SRRM3: variants seen among roughly 807,000 people sequenced by gnomAD.
SRRM3 encodes the protein serine/arginine repetitive matrix protein 3.
SRRM3 carries 27 observed loss-of-function variants against 66.2 expected under a neutral mutation model. The ratio of observed to expected loss-of-function variants is 0.41; its 90% CI spans 0.30 to 0.56. SRRM3 has a LOEUF of 0.56. Among genes scored for constraint, SRRM3 ranks in the 20% least tolerant of loss-of-function variants. The probability of loss-of-function intolerance (pLI) is 0.32; values close to 1 mark genes in which losing one functional copy is unlikely to be tolerated. For synonymous variants in SRRM3, 391 were observed against 414.9 expected (o/e 0.94, Z 0.70); for missense variants, 918 against 991.9 (o/e 0.93, Z 1.00).
At chr7:76,205,497 A>T (rs1020272662) in intron 1 of SRRM3, among the ~76,000 whole-genome samples, 1 of 152,196 alleles carries the variant, frequency 6.6e-6, no homozygotes, top group African/African-American at 2.4e-5. Flanking sequence ...GGCGTAAGCC[A>T]CCACGCCCAG....
intron 1 of SRRM3, among the ~76,000 whole-genome samples, chr7:76,223,032 A>G (rs141342532): frequency 2.0e-5 from 3 of 152,200 alleles, no homozygotes; most frequent in Non-Finnish European, 4.4e-5. Flanking sequence ...TTATGCTTCA[A>G]GATCTCTCCT....
At chr7:76,261,798 G>A (rs1428798714) in intron 8 of SRRM3, among the ~76,000 whole-genome samples, 1 of 152,028 alleles carries the variant, frequency 6.6e-6, no homozygotes, top group Non-Finnish European at 1.5e-5. Context: ...CAGCCATGAC[G>A]TGGTGACCCC....
At chr7:76,269,304 C>G (rs1802149574) in intron 11 of SRRM3, 1 of 152,188 alleles carries the variant, frequency 6.6e-6, no homozygotes, top group Non-Finnish European at 1.5e-5. Flanking sequence ...AATCCTATCC[C>G]TCACCCTTGG....
chr7:76,219,449 C>T (rs1274888602), intron 1 of SRRM3, among the ~76,000 whole-genome samples: 1 of 152,198 alleles, frequency 6.6e-6, no homozygotes, highest in African/African-American at 2.4e-5. Context: ...AGTGATGCTC[C>T]AGCCCCCAGC....
intron 2 of SRRM3, among the ~76,000 whole-genome samples, chr7:76,244,785 C>T (rs782754026): frequency 4.6e-5 from 7 of 152,218 alleles, no homozygotes; most frequent in Non-Finnish European, 1.0e-4. Flanking sequence ...CTCCAGTTCT[C>T]TCTTCTCCAG....
At chr7:76,279,857 G>T (rs956378935) in intron 11 of SRRM3, among the ~76,000 whole-genome samples, 1 of 152,112 alleles carries the variant, frequency 6.6e-6, no homozygotes, top group Non-Finnish European at 1.5e-5. Flanking sequence ...CTATCCAGCG[G>T]TCACCTAAGA....
intron 11 of SRRM3, among the ~76,000 whole-genome samples, chr7:76,275,066 A>T (rs1464692857): frequency 1.3e-5 from 2 of 150,922 alleles, no homozygotes; most frequent in African/African-American, 2.4e-5. Context: ...AGATCGTGCC[A>T]CTGCACTCCA....
chr7:76,248,423 G>C (rs2117027425), intron 3 of SRRM3, 134 bp downstream of exon 3: 1 of 645,460 alleles, frequency 1.5e-6, no homozygotes, highest in Non-Finnish European at 2.8e-6. Context: ...AGAAGATAAG[G>C]AGAAGGAGAG....
intron 2 of SRRM3, among the ~76,000 whole-genome samples, chr7:76,236,095 A>G (rs139431410): frequency 0.066 from 9,927 of 149,292 alleles, 790 homozygotes; most frequent in African/African-American, 0.18. Context: ...GGTGGATCAC[A>G]AGGTTGGGAA....
At chr7:76,259,725 G>T (rs1554608237) in intron 3 of SRRM3, among the ~76,000 whole-genome samples, 181 bp from the exon 4 acceptor site, 2 of 152,176 alleles carry the variant, frequency 1.3e-5, no homozygotes, top group African/African-American at 4.8e-5. Context: ...GATGTGCCCC[G>T]TTGGGTTCCC....
intron 1 of SRRM3, among the ~76,000 whole-genome samples, chr7:76,226,781 G>T (rs957265429): frequency 5.9e-5 from 9 of 151,866 alleles, no homozygotes; most frequent in Non-Finnish European, 8.8e-5. Flanking sequence ...AGTAGAGACA[G>T]GATTTCACCA....
intron 11 of SRRM3, among the ~76,000 whole-genome samples, chr7:76,271,496 A>C (rs1303806175): frequency 6.6e-6 from 1 of 151,466 alleles, no homozygotes; most frequent in Non-Finnish European, 1.5e-5. Flanking sequence ...TTAAAAGAAA[A>C]AGCTGGGCAT....
chr7:76,227,047 T>G (rs1440604203), intron 1 of SRRM3, among the ~76,000 whole-genome samples: 1 of 151,552 alleles, frequency 6.6e-6, no homozygotes, highest in Non-Finnish European at 1.5e-5. Context: ...GGGTAAAGAC[T>G]TCCCATGTGC....
chr7:76,262,437 C>T (rs1421995349), intron 8 of SRRM3, among the ~76,000 whole-genome samples: 1 of 138,892 alleles, frequency 7.2e-6, no homozygotes, highest in Non-Finnish European at 1.5e-5. Context: ...ACCCGGGTGG[C>T]GGAGGTTGCA....
intron 11 of SRRM3, among the ~76,000 whole-genome samples, chr7:76,277,933 T>C (rs1165775987): frequency 6.6e-6 from 1 of 152,208 alleles, no homozygotes; most frequent in Non-Finnish European, 1.5e-5. Flanking sequence ...TATGCACTAC[T>C]GTGAATTGGC....
chr7:76,264,197 C>T (rs1801954359), intron 8 of SRRM3, among the ~76,000 whole-genome samples: 1 of 136,574 alleles, frequency 7.3e-6, no homozygotes, highest in African/African-American at 2.8e-5. Flanking sequence ...GACGGAGTTT[C>T]ACTCTTATTG....
At chr7:76,215,420 T>TA (rs1800538687) in intron 1 of SRRM3, among the ~76,000 whole-genome samples, 4 of 147,430 alleles carry the variant, frequency 2.7e-5, no homozygotes, top group Non-Finnish European at 6.0e-5. Flanking sequence ...TTTTTTTTTT[T>TA]AGACAGGGTC....
At chr7:76,240,806 G>A (rs1004370419) in intron 2 of SRRM3, among the ~76,000 whole-genome samples, 10 of 152,064 alleles carry the variant, frequency 6.6e-5, no homozygotes, top group Admixed American at 3.3e-4. Context: ...GGGGGAACAC[G>A]TGGGCCAAGA....
In SRRM3 at chr7:76,217,751, G is replaced by T. The variant is rs560739262; in HGVS notation, c.-40+15684G>T. ...GATATTGATAAGATGTCCCAATAAT[G>T]AGGCAGTTCTGGCCCTTGTTCCAGC... On this transcript the variant is annotated intron_variant, in intron 1 of 14. Transcript: ENST00000611745. 3.3e-5 allele frequency among the ~76,000 whole-genome samples: 5 copies of T among 152,270 alleles called. No individual in the cohort carries two copies. In the South Asian group the frequency reaches 1.0e-3, roughly 32 times the overall value.
Sources: gnomAD v4.1 joint callset for allele counts (sites outside exome capture counted in the v4.1 genomes callset) on GRCh38, gnomAD v4.1.1 for gene constraint, MANE v1.5 for transcripts, NCBI Gene and HGNC (gene_info 2026-07-23, HGNC 2026-07-21) for gene names.